The following ETNK2 variants were observed in gnomAD, a reference collection of about 807,000 sequenced individuals.
The protein encoded by ETNK2 is ethanolamine kinase-like protein.
Under a neutral mutation model 46.2 loss-of-function variants are expected in ETNK2, and 33 were observed. The ratio of observed to expected loss-of-function variants is 0.71; its 90% CI spans 0.54 to 0.96. The LOEUF is 0.96. ETNK2 is among the 40% of genes least tolerant of loss of function. The pLI is 0.00. For missense variants in ETNK2, 445 were observed against 509.7 expected, an observed-to-expected ratio of 0.87 and a Z score of 1.22; for synonymous variants, 194 against 209.0, an observed-to-expected ratio of 0.93 and a Z score of 0.62.
intron 3 of ETNK2, chr1:204,142,718 G>C (rs892687722): frequency 2.6e-5 from 4 of 152,228 alleles, no homozygotes. Flanking sequence ...AGGACAGACC[G>C]ATCACTCCCT....
rs539339572 is a variant in ETNK2 at position 204,132,010 on chromosome 1, G to A, written c.*174C>T. 2.5e-4 allele frequency: 159 copies of A among 629,358 alleles called. No homozygotes were observed. The African/African-American group carries it at 2.7e-3, about 11-fold the overall frequency. 39.0% of individuals were successfully genotyped at this position (629,358 alleles called of 1,614,324 possible). ...TATCAGCCCCTCCAGACAGGAGAAT[G>A]AGGTCTTCAGTGGCAACCACTGGGG... On this transcript the variant is annotated 3_prime_UTR_variant, in exon 8 of 8. Transcript: ENST00000367202.
In ETNK2 at chr1:204,148,598, AC is replaced by A. The variant is rs1558238815; in HGVS notation, c.518+1104del. ...CACACACACACACACACACACACAC[AC>A]ACACACACACACTGCTACAATACAC... is the stretch of plus-strand genomic sequence containing the variant. On this transcript the variant is annotated intron_variant, in intron 2 of 7. Coordinates refer to ENST00000367202, the MANE Select transcript of ETNK2 (RefSeq NM_018208.4). 4.0e-3 allele frequency among the ~76,000 whole-genome samples: 598 copies of A among 148,248 alleles called. 47 individuals are homozygous for A. The East Asian group carries it at 0.11, about 27-fold the overall frequency.
chr1:204,142,607 TATCTCC>T, intron 3 of ETNK2: 1 of 152,524 alleles, frequency 6.6e-6, no homozygotes, highest in African/African-American at 2.4e-5. Context: ...GCTGGGCTTT[TATCTCC>T]ATTCCTGTGT....
At chr1:204,146,144 C>T (rs1657770541) in intron 3 of ETNK2, among the ~76,000 whole-genome samples, 1 of 152,120 alleles carries the variant, frequency 6.6e-6, no homozygotes, top group African/African-American at 2.4e-5. Flanking sequence ...GCAGGAACCT[C>T]GATGTCCCCA....
At chr1:204,140,880 T>C in intron 4 of ETNK2, 1 of 307,360 alleles carries the variant, frequency 3.3e-6, no homozygotes, top group Non-Finnish European at 6.3e-6. Context: ...TGGAGTGTAG[T>C]GGCTCCATCA....
At chr1:204,133,959 A>G (rs1657180937) in intron 7 of ETNK2, among the ~76,000 whole-genome samples, 1 of 152,230 alleles carries the variant, frequency 6.6e-6, no homozygotes, top group African/African-American at 2.4e-5. Context: ...GGAAGGAGAA[A>G]TGATTCCTGG....
chr1:204,133,544 T>TTTTTTGAGACGGAGTC (rs1657158294), intron 7 of ETNK2, among the ~76,000 whole-genome samples: 1 of 140,578 alleles, frequency 7.1e-6, no homozygotes, highest in African/African-American at 2.6e-5. Context: ...ATTTTTTTTT[T>TTTTTTGAGACGGAGTC]TTTTTGAGAC....
chr1:204,143,354 C>T (rs551680108), intron 3 of ETNK2, among the ~76,000 whole-genome samples: 1 of 152,140 alleles, frequency 6.6e-6, no homozygotes, highest in East Asian at 1.9e-4. Flanking sequence ...TCCCTGACTT[C>T]AGTCTGAACC....
intron 2 of ETNK2, among the ~76,000 whole-genome samples, chr1:204,148,167 A>T (rs1571633476): frequency 6.6e-6 from 1 of 152,112 alleles, no homozygotes; most frequent in Non-Finnish European, 1.5e-5. Flanking sequence ...ACCTTCACCC[A>T]GAGGGATGAT....
Position 204,134,453 on chromosome 1 carries a change from C to T in ETNK2, c.1088+62G>A, listed in dbSNP as rs1035652222. ...TTCTGCCTGGGCTGTCCTTTGCCCACACCCTGGGCTCAACCAAGGCTCTCC... is the reference window on the plus strand; with the variant it reads ...TTCTGCCTGGGCTGTCCTTTGCCCATACCCTGGGCTCAACCAAGGCTCTCC... On this transcript the variant is annotated intron_variant, in intron 7 of 7. Coordinates refer to ENST00000367202, the MANE Select transcript of ETNK2 (RefSeq NM_018208.4). 2.5e-6 allele frequency: 4 copies of T among 1,571,902 alleles called. No individual in the cohort carries two copies. In the African/African-American group the frequency reaches 4.1e-5, roughly 16 times the overall value.
intron 3 of ETNK2, chr1:204,141,728 A>G (rs1657551204): frequency 2.2e-6 from 1 of 453,714 alleles, no homozygotes; most frequent in African/African-American, 2.0e-5. Context: ...GACTGAGGGC[A>G]TCCCTGCTAC....
intron 3 of ETNK2, among the ~76,000 whole-genome samples, chr1:204,144,616 A>G (rs1184356267): frequency 6.6e-6 from 1 of 152,096 alleles, no homozygotes; most frequent in African/African-American, 2.4e-5. Flanking sequence ...TCTGACTCAA[A>G]CATCTTCATG....
chr1:204,132,269 C>T lies in ETNK2; in HGVS notation c.1089-13G>A, dbSNP rs748524364. 9.0e-6 allele frequency: 14 copies of T among 1,562,160 alleles called. No homozygotes were observed. The highest frequency in any genetic ancestry group is 8.3e-5 in the South Asian group (7 of 84,662). ...GATCACTGCGTACCTGTGGGGAAGA[C>T]AGAAGGAAGCTGGGTGTGAGGAAGA... On this transcript the variant is annotated splice_polypyrimidine_tract_variant and intron_variant, in intron 7 of 7. Coordinates refer to ENST00000367202, the MANE Select transcript of ETNK2 (RefSeq NM_018208.4).
rs981597532 is a variant in ETNK2 at position 204,151,213 on chromosome 1, G to T, written c.258+382C>A. The T allele has an allele frequency of 2.8e-5, 10 of 355,696 alleles. No homozygotes were observed. The highest frequency in any genetic ancestry group is 9.6e-5 in the Admixed American group (2 of 20,858). The allele number at this position is 355,696 out of a possible 1,614,324, so 22.0% of individuals were successfully genotyped here. On this transcript the variant is annotated intron_variant, in intron 1 of 7. Transcript: ENST00000367202. This position sits in a 1 kb window ranked among gnomAD's most constrained non-coding sequence, Gnocchi z 8.0. ...ATGTATGCATGTATGGCTGGGTCGG[G>T]GGGGCGGGGGGTCTCTTAAAAGTTC...
At chr1:204,150,115 C>A (rs535149496) in intron 1 of ETNK2, among the ~76,000 whole-genome samples, 153 bp from the exon 2 acceptor site, 1 of 152,326 alleles carries the variant, frequency 6.6e-6, no homozygotes, top group East Asian at 1.9e-4. Context: ...GTCACTCATG[C>A]TCCTCTCTGT....
intron 1 of ETNK2, 31 bp from the exon 2 acceptor site, chr1:204,149,993 G>T: frequency 1.1e-5 from 8 of 743,780 alleles, no homozygotes; most frequent in Non-Finnish European, 1.7e-5. Flanking sequence ...TGCGTGGGTG[G>T]GTGGGTGGGG....
intron 3 of ETNK2, chr1:204,143,051 G>C (rs1379525200): frequency 6.6e-6 from 1 of 152,070 alleles, no homozygotes; most frequent in African/African-American, 2.4e-5. Context: ...CTCTCTGAAG[G>C]CCTGGGTGCC....
In ETNK2 at chr1:204,131,948, G is replaced by C. The variant is rs940823018; in HGVS notation, c.*236C>G. 1.8e-6 allele frequency: 1 copy of C among 555,196 alleles called. No homozygotes were observed. The highest frequency in any genetic ancestry group is 3.2e-6 in the Non-Finnish European group (1 of 309,402). The allele number at this position is 555,196 out of a possible 1,614,324, so 34.4% of individuals were successfully genotyped here. On this transcript the variant is annotated 3_prime_UTR_variant, in exon 8 of 8. Transcript: ENST00000367202. The surrounding 1 kb of genome is among the most constrained non-coding windows in gnomAD (Gnocchi z 4.3). ...CCTGGCTGCAGGCACTTCCTCCCAAGCCTGGTGGGGTGAAGGGGACCCCCG... is the reference window on the plus strand; with the variant it reads ...CCTGGCTGCAGGCACTTCCTCCCAACCCTGGTGGGGTGAAGGGGACCCCCG...
At chr1:204,143,100 G>C (rs1459321616) in intron 3 of ETNK2, 1 of 152,170 alleles carries the variant, frequency 6.6e-6, no homozygotes, top group East Asian at 1.9e-4. Flanking sequence ...AGTCCAGGGA[G>C]TCTGCTGGGA....
Sources: gnomAD v4.1 joint callset for allele counts (sites outside exome capture counted in the v4.1 genomes callset) on GRCh38, gnomAD v4.1.1 for gene constraint, Gnocchi (gnomAD v3.1) non-coding constraint, MANE v1.5 for transcripts, NCBI Gene and HGNC (gene_info 2026-07-23, HGNC 2026-07-21) for gene names.